The following PCLO variants were observed in gnomAD, a reference collection of about 807,000 sequenced individuals.
The protein encoded by PCLO is protein piccolo.
In PCLO, 82 loss-of-function variants were observed where a neutral mutation model predicts 427.5. That is an observed-to-expected ratio of 0.19 (90% confidence interval 0.16 to 0.23). The LOEUF (loss-of-function observed/expected upper bound fraction) is 0.23, where lower values mean the gene tolerates loss of function less well. PCLO is among the 10% of genes least tolerant of loss of function. The pLI, the probability that PCLO is intolerant of heterozygous loss-of-function variation, is 1.00. For synonymous variants in PCLO, 2,357 were observed against 2,155.4 expected, an observed-to-expected ratio of 1.09 and a Z score of -2.59; for missense variants, 6,239 against 6,115.9, an observed-to-expected ratio of 1.02 and a Z score of -0.67.
intron 3 of PCLO, among the ~76,000 whole-genome samples, chr7:83,097,005 A>G (rs187107308): frequency 0.02 from 444 of 22,308 alleles, 93 homozygotes; most frequent in African/African-American, 0.078. Flanking sequence ...TATTATATAA[A>G]TAATATATAT....
At chr7:82,870,283 A>G (rs887819520) in intron 10 of PCLO, among the ~76,000 whole-genome samples, 1 of 151,970 alleles carries the variant, frequency 6.6e-6, no homozygotes, top group African/African-American at 2.4e-5. Flanking sequence ...AGAAATAAGT[A>G]CATGCATTTA....
intron 2 of PCLO, among the ~76,000 whole-genome samples, chr7:83,154,182 C>A (rs1385582423): frequency 2.6e-5 from 4 of 152,182 alleles, no homozygotes; most frequent in African/African-American, 9.6e-5. Context: ...ATATTCTGAA[C>A]CTGCTCTAAC....
At chr7:82,832,337 T>C (rs1317568904) in intron 16 of PCLO, among the ~76,000 whole-genome samples, 3 of 151,932 alleles carry the variant, frequency 2.0e-5, no homozygotes, top group Non-Finnish European at 1.5e-5. Flanking sequence ...CTACAAGCTC[T>C]GCCTCCTGGG....
intron 3 of PCLO, among the ~76,000 whole-genome samples, chr7:83,024,551 G>A (rs532827702): frequency 6.6e-6 from 1 of 152,290 alleles, no homozygotes; most frequent in South Asian, 2.1e-4. Flanking sequence ...CATTGCCCAG[G>A]CTTGATTAGG....
At chr7:82,906,891 A>G (rs1472924564) in intron 8 of PCLO, among the ~76,000 whole-genome samples, 1 of 152,010 alleles carries the variant, frequency 6.6e-6, no homozygotes, top group African/African-American at 2.4e-5. Flanking sequence ...TTCACCTAAC[A>G]AGTATGTCTA....
chr7:82,761,720 CATTT>C (rs1200007286), intron 22 of PCLO, among the ~76,000 whole-genome samples: 4 of 151,798 alleles, frequency 2.6e-5, no homozygotes, highest in Non-Finnish European at 5.9e-5. Context: ...ATCACAGATT[CATTT>C]ATTCAGATAT....
intron 9 of PCLO, among the ~76,000 whole-genome samples, chr7:82,890,601 T>C (rs907645521): frequency 3.3e-5 from 5 of 152,034 alleles, no homozygotes; most frequent in African/African-American, 9.7e-5. Flanking sequence ...ATTGTGTTTA[T>C]AGTATTTGTA....
At chr7:82,928,209 C>G (rs1169779201) in intron 6 of PCLO, among the ~76,000 whole-genome samples, 1 of 152,120 alleles carries the variant, frequency 6.6e-6, no homozygotes, top group East Asian at 1.9e-4. Context: ...TTGTGATTAG[C>G]ATAGACTAGG....
chr7:83,053,010 A>G (rs1789291275), intron 3 of PCLO, among the ~76,000 whole-genome samples: 2 of 151,976 alleles, frequency 1.3e-5, no homozygotes, highest in African/African-American at 2.4e-5. Flanking sequence ...TATAATTCTT[A>G]AAAGGGTTTA....
intron 22 of PCLO, among the ~76,000 whole-genome samples, chr7:82,792,951 G>A (rs553395225): frequency 6.6e-6 from 1 of 150,732 alleles, no homozygotes; most frequent in South Asian, 2.1e-4. Flanking sequence ...AGAAAATTTG[G>A]TTCTTATATG....
chr7:83,071,397 C>T (rs1789812222), intron 3 of PCLO, among the ~76,000 whole-genome samples: 1 of 152,078 alleles, frequency 6.6e-6, no homozygotes, highest in Non-Finnish European at 1.5e-5. Context: ...ATTGAGAGAC[C>T]TTTTAAACAT....
intron 21 of PCLO, among the ~76,000 whole-genome samples, chr7:82,805,419 G>A (rs73169313): frequency 0.014 from 2,085 of 152,154 alleles, 23 homozygotes; most frequent in Non-Finnish European, 0.022. Context: ...CTTTATTCTG[G>A]CATGGCTAAG....
At chr7:83,033,348 AG>A (rs1057313373) in intron 3 of PCLO, among the ~76,000 whole-genome samples, 1 of 152,220 alleles carries the variant, frequency 6.6e-6, no homozygotes, top group Non-Finnish European at 1.5e-5. Flanking sequence ...ATTACCTAGT[AG>A]ATTACTGTAA....
At chr7:82,862,692 T>C (rs980556238) in intron 10 of PCLO, among the ~76,000 whole-genome samples, 30 of 151,776 alleles carry the variant, frequency 2.0e-4, no homozygotes, top group African/African-American at 7.3e-4. Flanking sequence ...CAAGATCCAG[T>C]CATTTGTAAC....
At chr7:82,784,222 C>A in intron 22 of PCLO, among the ~76,000 whole-genome samples, 1 of 152,078 alleles carries the variant, frequency 6.6e-6, no homozygotes, top group East Asian at 1.9e-4. Context: ...AGAGTTCTTG[C>A]AGTGTTCAAC....
intron 6 of PCLO, among the ~76,000 whole-genome samples, chr7:82,932,054 G>T (rs1794852169): frequency 6.6e-6 from 1 of 152,100 alleles, no homozygotes; most frequent in African/African-American, 2.4e-5. Flanking sequence ...CCGTGATGTA[G>T]GAAGTATATT....
intron 2 of PCLO, among the ~76,000 whole-genome samples, chr7:83,141,879 A>T (rs752035669): frequency 1.1e-4 from 17 of 152,256 alleles, no homozygotes; most frequent in Non-Finnish European, 2.1e-4. Context: ...CTGATTTTTA[A>T]GAGTGTATCT....
At chr7:82,786,790 T>C (rs1790994156) in intron 22 of PCLO, among the ~76,000 whole-genome samples, 1 of 152,100 alleles carries the variant, frequency 6.6e-6, no homozygotes, top group African/African-American at 2.4e-5. Flanking sequence ...CCACCCTGTG[T>C]ACATGTGTTC....
rs116825569 is a variant in PCLO at position 82,944,944 on chromosome 7, G to T, written c.11112+4532C>A. 9.6e-3 allele frequency among the ~76,000 whole-genome samples: 1,456 copies of T among 152,256 alleles called. 28 individuals are homozygous for T. The highest frequency in any genetic ancestry group is 0.032 in the African/African-American group (1,321 of 41,550). On this transcript the variant is annotated intron_variant, in intron 6 of 24. Transcript: ENST00000333891. ...CATAAAATATTCCAAATGAAGAAGA[G>T]TTCTACTGATAAATTAATAAAAATC...
Sources: gnomAD v4.1 joint callset for allele counts (sites outside exome capture counted in the v4.1 genomes callset) on GRCh38, gnomAD v4.1.1 for gene constraint, MANE v1.5 for transcripts, NCBI Gene and HGNC (gene_info 2026-07-23, HGNC 2026-07-21) for gene names.